FAM13A: variants seen among roughly 807,000 people sequenced by gnomAD.
The protein encoded by FAM13A is family with sequence similarity 13 member A, also known as protein FAM13A.
FAM13A carries 76 observed loss-of-function variants against 129.6 expected under a neutral mutation model. That is an observed-to-expected ratio of 0.59 (90% CI 0.49 to 0.71). FAM13A has a LOEUF of 0.71. Ranked by LOEUF, FAM13A falls within the 30% of genes least tolerant of loss-of-function variation. The pLI is 0.00. For synonymous variants in FAM13A, 443 were observed against 449.9 expected (o/e 0.98, Z 0.20); for missense variants, 1,108 against 1,249.3 (o/e 0.89, Z 1.70).
chr4:88,978,793 C>CAA (rs1307709312), intron 4 of FAM13A, among the ~76,000 whole-genome samples: 1 of 135,464 alleles, frequency 7.4e-6, no homozygotes, highest in African/African-American at 2.7e-5. Flanking sequence ...GACTCCGTCT[C>CAA]AAAAAAAAAA....
At chr4:89,004,059 G>A (rs919081786) in intron 3 of FAM13A, among the ~76,000 whole-genome samples, 9 of 152,160 alleles carry the variant, frequency 5.9e-5, no homozygotes, top group African/African-American at 2.2e-4. Flanking sequence ...CTGGCCTAAA[G>A]CAATCCTCCT....
intron 14 of FAM13A, among the ~76,000 whole-genome samples, chr4:88,755,210 A>G (rs1743386234): frequency 6.6e-6 from 1 of 152,168 alleles, no homozygotes; most frequent in Admixed American, 6.5e-5. Flanking sequence ...AGAGCCACCC[A>G]TGGCCATTCG....
chr4:88,768,257 T>C (rs1180001667), intron 11 of FAM13A, 198 bp from the exon 12 acceptor site: 2 of 428,670 alleles, frequency 4.7e-6, no homozygotes, highest in Non-Finnish European at 8.3e-6. Context: ...TGTATTGAAC[T>C]TCTAACATCC....
At chr4:88,998,368 A>G (rs948570307) in intron 3 of FAM13A, among the ~76,000 whole-genome samples, 1 of 152,240 alleles carries the variant, frequency 6.6e-6, no homozygotes, top group African/African-American at 2.4e-5. Context: ...CTGAGCTACA[A>G]TTTAAATCCA....
rs116200533 is a variant in FAM13A, at chr4:88,802,636, A to C, written c.1049+2375T>G. Among the ~76,000 whole-genome samples the C allele has an allele frequency of 2.2e-3, 342 of 152,328 alleles. 1 individual carries two copies. Among genetic ancestry groups the C allele is most frequent in the African/African-American group, 7.3e-3 (305 of 41,576 alleles). On this transcript the variant is annotated intron_variant, in intron 8 of 23. Coordinates refer to ENST00000264344, the MANE Select transcript of FAM13A (RefSeq NM_014883.4). The stretch of plus-strand genomic sequence containing the variant: ...GAAACTGAAATTCCATAAAGTGATA[A>C]CAAGAGCAACATAATGACTGAAACG...
At chr4:88,798,461 T>C (rs1417699855) in intron 8 of FAM13A, among the ~76,000 whole-genome samples, 2 of 152,262 alleles carry the variant, frequency 1.3e-5, no homozygotes, top group East Asian at 1.9e-4. Flanking sequence ...AACTCGGCTC[T>C]AGATGGTTCA....
intron 6 of FAM13A, among the ~76,000 whole-genome samples, chr4:88,889,179 C>A (rs1205065910): frequency 6.6e-6 from 1 of 152,164 alleles, no homozygotes; most frequent in Non-Finnish European, 1.5e-5. Context: ...TGTTTGTGTA[C>A]TGAAGTGTGA....
At chr4:88,807,095 C>T (rs955819552) in intron 7 of FAM13A, among the ~76,000 whole-genome samples, 2 of 152,220 alleles carry the variant, frequency 1.3e-5, no homozygotes, top group Non-Finnish European at 2.9e-5. Flanking sequence ...CAGAACAGAT[C>T]CTTTACTCTA....
intron 3 of FAM13A, among the ~76,000 whole-genome samples, chr4:89,002,367 A>C (rs890529335): frequency 8.5e-5 from 13 of 152,172 alleles, no homozygotes; most frequent in African/African-American, 3.1e-4. Flanking sequence ...TCTCCGGGTA[A>C]TATCAAAGGA....
At chr4:88,834,769 C>T (rs190671376) in intron 7 of FAM13A, among the ~76,000 whole-genome samples, 68 of 152,244 alleles carry the variant, frequency 4.5e-4, no homozygotes, top group Non-Finnish European at 9.3e-4. Context: ...GTCTACAAAA[C>T]AAATAGTACA....
intron 5 of FAM13A, among the ~76,000 whole-genome samples, chr4:88,922,056 C>A (rs1166875583): frequency 6.6e-6 from 1 of 151,696 alleles, no homozygotes; most frequent in Non-Finnish European, 1.5e-5. Flanking sequence ...TAAAGCAAGT[C>A]CTCAGTGACC....
At chr4:88,740,782 A>C (rs1417297418) in intron 19 of FAM13A, among the ~76,000 whole-genome samples, 1 of 152,228 alleles carries the variant, frequency 6.6e-6, no homozygotes, top group East Asian at 1.9e-4. Context: ...GACAAGTTAG[A>C]ATAAGATCAA....
chr4:88,738,292 G>A (rs1739427249), intron 20 of FAM13A, among the ~76,000 whole-genome samples: 1 of 152,136 alleles, frequency 6.6e-6, no homozygotes, highest in African/African-American at 2.4e-5. Flanking sequence ...GAGGAGATGG[G>A]AGCACTGAAA....
At chr4:88,999,082 A>G (rs1350028982) in intron 3 of FAM13A, among the ~76,000 whole-genome samples, 1 of 152,180 alleles carries the variant, frequency 6.6e-6, no homozygotes, top group East Asian at 1.9e-4. Flanking sequence ...AAATTAGTCA[A>G]TATTTACAGT....
chr4:89,018,574 T>C (rs1766838485), intron 3 of FAM13A, among the ~76,000 whole-genome samples: 1 of 152,210 alleles, frequency 6.6e-6, no homozygotes, highest in South Asian at 2.1e-4. Context: ...ATGAGCTATA[T>C]AGAACTTATT....
intron 3 of FAM13A, among the ~76,000 whole-genome samples, chr4:89,010,654 T>A (rs1765609817): frequency 1.3e-5 from 2 of 152,194 alleles, no homozygotes; most frequent in South Asian, 4.1e-4. Context: ...CTGGTGCTAC[T>A]ACAACTCACC....
chr4:88,839,643 T>C (rs577663896), intron 7 of FAM13A, among the ~76,000 whole-genome samples: 2 of 152,244 alleles, frequency 1.3e-5, no homozygotes, highest in South Asian at 2.1e-4. Context: ...TCCCAATACT[T>C]TGGGAGGCTG....
At chr4:89,038,296 T>C (rs1165463202) in intron 1 of FAM13A, among the ~76,000 whole-genome samples, 1 of 152,188 alleles carries the variant, frequency 6.6e-6, no homozygotes, top group Non-Finnish European at 1.5e-5. Flanking sequence ...TCAGATTACA[T>C]TGCTGGTTAA....
chr4:88,799,730 G>T (rs191466082), intron 8 of FAM13A, among the ~76,000 whole-genome samples: 4 of 152,246 alleles, frequency 2.6e-5, no homozygotes, highest in Admixed American at 1.3e-4. Context: ...TGATCCACCC[G>T]CCTTGGCCTC....
Sources: allele counts gnomAD v4.1 joint callset (sites outside exome capture counted in the v4.1 genomes callset), GRCh38; gene constraint gnomAD v4.1.1; transcripts MANE v1.5; gene names NCBI Gene and HGNC (gene_info 2026-07-23, HGNC 2026-07-21).